SUCLG1: variants seen among roughly 807,000 people sequenced by gnomAD.
SUCLG1 encodes the protein succinate--CoA ligase [ADP/GDP-forming] subunit alpha, mitochondrial.
A neutral mutation model predicts 37.3 loss-of-function variants in SUCLG1; 26 were observed. The observed-to-expected ratio is 0.70, with a 90% CI of 0.51 to 0.97. The LOEUF (loss-of-function observed/expected upper bound fraction) is 0.97, where lower values mean the gene tolerates loss of function less well. Among genes scored for constraint, SUCLG1 ranks in the 50% least tolerant of loss-of-function variants. The pLI, the probability that SUCLG1 is intolerant of heterozygous loss-of-function variation, is 0.00. For missense variants in SUCLG1, 433 were observed against 432.9 expected, an observed-to-expected ratio of 1.00 and a Z score of 0.00; for synonymous variants, 163 against 155.6, an observed-to-expected ratio of 1.05 and a Z score of -0.36.
intron 5 of SUCLG1, chr2:84,433,692 CAAGA>C: frequency 2.0e-6 from 1 of 489,206 alleles, no homozygotes; most frequent in Non-Finnish European, 3.7e-6. Flanking sequence ...AAAAACAATG[CAAGA>C]AAGACTTAAA....
At chr2:84,424,643 C>T (rs1016264435) in intron 8 of SUCLG1, among the ~76,000 whole-genome samples, 3 of 152,160 alleles carry the variant, frequency 2.0e-5, no homozygotes, top group Non-Finnish European at 2.9e-5. Flanking sequence ...TACCTATTTT[C>T]AGCATGCTTA....
chr2:84,431,266 C>T (rs187091274), intron 7 of SUCLG1, among the ~76,000 whole-genome samples: 3 of 152,236 alleles, frequency 2.0e-5, no homozygotes, highest in East Asian at 3.9e-4. Context: ...AGCAGGAGAA[C>T]GACTTACCTA....
chr2:84,431,032 G>C (rs893018094), intron 7 of SUCLG1, among the ~76,000 whole-genome samples: 1 of 152,150 alleles, frequency 6.6e-6, no homozygotes, highest in East Asian at 1.9e-4. Context: ...TTTTCTACTT[G>C]ATCTCTGAAG....
At chr2:84,456,853 G>A (rs943296510) in intron 1 of SUCLG1, among the ~76,000 whole-genome samples, 2 of 152,040 alleles carry the variant, frequency 1.3e-5, no homozygotes, top group Non-Finnish European at 2.9e-5. Context: ...TAGTAGAGAC[G>A]GGGTTTCACC....
intron 2 of SUCLG1, among the ~76,000 whole-genome samples, chr2:84,445,197 G>T (rs1453476563): frequency 6.6e-6 from 1 of 152,216 alleles, no homozygotes; most frequent in Non-Finnish European, 1.5e-5. Flanking sequence ...ACAGGCGTAA[G>T]AAATTATAAA....
At position 84,431,548 on chromosome 2, in the gene SUCLG1, G is replaced by A. The variant is rs777230652; in HGVS notation, c.785C>T (p.Ala262Val). 2 of 1,613,982 alleles carry A rather than the reference G, an allele frequency of 1.2e-6. No homozygotes were observed. Among genetic ancestry groups the A allele is most frequent in the South Asian group, 2.2e-5 (2 of 91,074 alleles). The change falls in exon 7 of 9, where the codon GCA (alanine) becomes GTA (valine). Residue 262 changes from alanine (A) to valine (V), a missense_variant. By Grantham distance (64) the Ala-to-Val change is moderately conservative (BLOSUM62 0). Coordinates refer to ENST00000393868, the MANE Select transcript of SUCLG1 (RefSeq NM_003849.4). ...IILIGEIGGN[A>V]EENAAEFLKQ... ...CAAAAATTCTGCAGCATTCTCTTCTGCATTACCACCAATTTCACCAATCAA... is the reference window on the plus strand; with the variant it reads ...CAAAAATTCTGCAGCATTCTCTTCTACATTACCACCAATTTCACCAATCAA...
At position 84,425,629 on chromosome 2, in the gene SUCLG1, G is replaced by A. The variant is rs574263018; in HGVS notation, c.826-26C>T. ...CTAGAAAGAAAGTAATATTTTAAATGCTCTAATGAAGAAGTCAATCAAAAC... is the reference window on the plus strand; with the variant it reads ...CTAGAAAGAAAGTAATATTTTAAATACTCTAATGAAGAAGTCAATCAAAAC... On this transcript the variant is annotated intron_variant, in intron 7 of 8. Coordinates refer to ENST00000393868, the MANE Select transcript of SUCLG1 (RefSeq NM_003849.4). 223 of 1,612,752 alleles carry A rather than the reference G, an allele frequency of 1.4e-4. 1 individual carries two copies. The East Asian group carries it at 4.8e-3, about 35-fold the overall frequency.
At chr2:84,453,201 G>C (rs1672966715) in intron 1 of SUCLG1, among the ~76,000 whole-genome samples, 1 of 152,010 alleles carries the variant, frequency 6.6e-6, no homozygotes, top group Non-Finnish European at 1.5e-5. Flanking sequence ...CACACCATAG[G>C]CAGAGTTAAA....
At chr2:84,444,571 G>A (rs1049984956) in intron 2 of SUCLG1, among the ~76,000 whole-genome samples, 1 of 152,194 alleles carries the variant, frequency 6.6e-6, no homozygotes, top group African/African-American at 2.4e-5. Context: ...AATTGCTAAT[G>A]AAGTTTCCAG....
chr2:84,458,772 A>G (rs1001813058), intron 1 of SUCLG1, among the ~76,000 whole-genome samples: 1 of 152,070 alleles, frequency 6.6e-6, no homozygotes, highest in African/African-American at 2.4e-5. Flanking sequence ...CTCTTCCTCT[A>G]CCTCTCAACC....
chr2:84,429,785 G>A (rs1383674619), intron 7 of SUCLG1, among the ~76,000 whole-genome samples: 1 of 152,174 alleles, frequency 6.6e-6, no homozygotes, highest in Admixed American at 6.5e-5. Context: ...CAATACCCAT[G>A]TTTCAGAAGG....
rs1672801833 is a variant in SUCLG1, at chr2:84,443,320, T to C, written c.282A>G (p.Thr94=). The C allele has an allele frequency of 2.5e-6, 4 of 1,614,180 alleles. No individual in the cohort carries two copies. The highest frequency in any genetic ancestry group is 4.5e-5 in the East Asian group (2 of 44,872). Residue 94 remains threonine (T), a synonymous_variant, in exon 3 of 9, where the codon ACA becomes ACG. Transcript: ENST00000393868. ...TATTAAAGACAGGTAAGCCCAGATG[T>C]GTCTGGCCTCCTTTCCCTGGAGTGG... is the stretch of plus-strand genomic sequence containing the variant. ...GGTTPGKGGQ[T]HLGLPVFNTV...
chr2:84,452,852 G>C (rs1672961149), intron 1 of SUCLG1, among the ~76,000 whole-genome samples: 1 of 152,086 alleles, frequency 6.6e-6, no homozygotes, highest in Non-Finnish European at 1.5e-5. Context: ...ACAAGAAACA[G>C]GGTCTCCAAA....
chr2:84,452,243 T>A lies in SUCLG1; in HGVS notation c.98-2491A>T, dbSNP rs568827176. Among the ~76,000 whole-genome samples the A allele has an allele frequency of 2.1e-4, 31 of 150,780 alleles. No individual in the cohort carries two copies. The South Asian group carries it at 6.5e-3, about 32-fold the overall frequency. ...ATAAACTCCCCACACCTATTCAAGGTAGAGAAGTCTATGAATGTGTAAGAG... is the reference window on the plus strand; with the variant it reads ...ATAAACTCCCCACACCTATTCAAGGAAGAGAAGTCTATGAATGTGTAAGAG... On this transcript the variant is annotated intron_variant, in intron 1 of 8. Transcript: ENST00000393868.
At chr2:84,456,850 G>A (rs1673028474) in intron 1 of SUCLG1, among the ~76,000 whole-genome samples, 1 of 152,098 alleles carries the variant, frequency 6.6e-6, no homozygotes, top group Admixed American at 6.5e-5. Flanking sequence ...TTTTAGTAGA[G>A]ACGGGGTTTC....
intron 2 of SUCLG1, 39 bp downstream of exon 2, chr2:84,449,610 C>G (rs1250410842): frequency 7.6e-7 from 1 of 1,309,882 alleles, no homozygotes; most frequent in Non-Finnish European, 1.1e-6. Context: ...TGTTATATCT[C>G]TAGTCTACAT....
intron 5 of SUCLG1, among the ~76,000 whole-genome samples, chr2:84,435,591 G>A (rs2104247612): frequency 1.3e-5 from 2 of 152,296 alleles, no homozygotes; most frequent in South Asian, 4.1e-4. Flanking sequence ...GTAGGCTTTT[G>A]TTCATTATAA....
At chr2:84,451,892 T>C (rs1672948479) in intron 1 of SUCLG1, among the ~76,000 whole-genome samples, 1 of 152,192 alleles carries the variant, frequency 6.6e-6, no homozygotes, top group African/African-American at 2.4e-5. Flanking sequence ...ACTATTATCG[T>C]CTTACAGGCA....
chr2:84,435,487 G>A (rs1368597313), intron 5 of SUCLG1, among the ~76,000 whole-genome samples: 1 of 152,120 alleles, frequency 6.6e-6, no homozygotes, highest in Non-Finnish European at 1.5e-5. Flanking sequence ...AAGAATGTTA[G>A]GCAGATGGCC....
Sources: gnomAD v4.1 joint callset for allele counts (sites outside exome capture counted in the v4.1 genomes callset) on GRCh38, gnomAD v4.1.1 for gene constraint, MANE v1.5 for transcripts, NCBI Gene and HGNC (gene_info 2026-07-23, HGNC 2026-07-21) for gene names.